AP2A2: variants seen among roughly 807,000 people sequenced by gnomAD.
The protein encoded by AP2A2 is AP-2 complex subunit alpha-2.
AP2A2 carries 32 observed loss-of-function variants against 104.2 expected under a neutral mutation model. That is an observed-to-expected ratio of 0.31 (90% confidence interval 0.23 to 0.41). AP2A2 has a LOEUF of 0.41. AP2A2 is among the 10% of genes least tolerant of loss of function. The pLI is 1.00. For missense variants in AP2A2, 912 were observed against 1,261.0 expected, an observed-to-expected ratio of 0.72 and a Z score of 4.19; for synonymous variants, 539 against 533.3, an observed-to-expected ratio of 1.01 and a Z score of -0.15.
At chr11:1,002,123 C>T (rs1270865171) in intron 15 of AP2A2, among the ~76,000 whole-genome samples, 1 of 152,212 alleles carries the variant, frequency 6.6e-6, no homozygotes, top group Non-Finnish European at 1.5e-5. Flanking sequence ...AGATACTGAC[C>T]ACAAGGGCCT....
chr11:960,632 C>T (rs1286656929), intron 2 of AP2A2, among the ~76,000 whole-genome samples: 3 of 152,196 alleles, frequency 2.0e-5, no homozygotes, highest in African/African-American at 4.8e-5. Context: ...CCTGCCTCAG[C>T]CTCCCAACAT....
chr11:946,111 A>G (rs1250022298), intron 1 of AP2A2, among the ~76,000 whole-genome samples: 2 of 152,216 alleles, frequency 1.3e-5, no homozygotes, highest in Admixed American at 6.5e-5. Flanking sequence ...AAAATGGTCA[A>G]AATCAACTGT....
intron 6 of AP2A2, 192 bp downstream of exon 6, chr11:981,491 G>A: frequency 3.5e-6 from 2 of 569,428 alleles, no homozygotes; most frequent in East Asian, 6.0e-5. Context: ...CTGTTCCCAT[G>A]GTGTGAGTGA....
chr11:993,999 G>T lies in AP2A2; in HGVS notation c.1782+14G>T. On this transcript the variant is annotated intron_variant, in intron 13 of 21. Coordinates refer to ENST00000448903, the MANE Select transcript of AP2A2 (RefSeq NM_012305.4). This position sits in a 1 kb window ranked among gnomAD's most constrained non-coding sequence, Gnocchi z 8.2. The stretch of plus-strand genomic sequence containing the variant: ...ACCGACATTCTGGTAGGAGGCCCCC[G>T]CCCTTCGGGCTGGCTTGGCTGAGGG... The T allele has an allele frequency of 3.1e-6, 5 of 1,608,592 alleles. No homozygotes were observed. The highest frequency in any genetic ancestry group is 4.2e-6 in the Non-Finnish European group (5 of 1,177,054).
rs563864756 is a variant in AP2A2, at chr11:965,713, G to C, written c.137-4456G>C. ...CTGCAGACGCATGGGCAAGAAATCAGTGCTTATGTGCACCTGCCATGCTAG... is the reference window on the plus strand; with the variant it reads ...CTGCAGACGCATGGGCAAGAAATCACTGCTTATGTGCACCTGCCATGCTAG... On this transcript the variant is annotated intron_variant, in intron 2 of 21. Coordinates refer to ENST00000448903, the MANE Select transcript of AP2A2 (RefSeq NM_012305.4). Among the ~76,000 whole-genome samples, 279 of 152,346 alleles carry C rather than the reference G, an allele frequency of 1.8e-3. 3 individuals are homozygous for C. Among genetic ancestry groups the C allele is most frequent in the African/African-American group, 6.3e-3 (264 of 41,582 alleles).
chr11:932,501 A>G lies in AP2A2; in HGVS notation c.67+6413A>G, dbSNP rs77117177. Among the ~76,000 whole-genome samples the G allele has an allele frequency of 2.8e-4, 42 of 152,378 alleles. No individual in the cohort carries two copies. In the East Asian group the frequency reaches 8.1e-3, roughly 29 times the overall value. On this transcript the variant is annotated intron_variant, in intron 1 of 21. Coordinates refer to ENST00000448903, the MANE Select transcript of AP2A2 (RefSeq NM_012305.4). ...CAGTCTGCTTTTGCATTTCTTAAAT[A>G]ACCTTCACAGTTAAAAGCTCATTTT... is the stretch of plus-strand genomic sequence containing the variant.
chr11:954,990 C>G (rs1589962748), intron 1 of AP2A2, among the ~76,000 whole-genome samples: 1 of 152,118 alleles, frequency 6.6e-6, no homozygotes. Flanking sequence ...TTCTCCTGCC[C>G]CCAGGTTTTT....
rs115832989 is a variant in AP2A2, at chr11:968,148, C to T, written c.137-2021C>T. Reference sequence around the variant, plus strand: ...AATCCACGTGCTGCCACATGAGCAGCGGGCCGAGCACTGTGGCTTTCTCCT... The same window carrying T: ...AATCCACGTGCTGCCACATGAGCAGTGGGCCGAGCACTGTGGCTTTCTCCT... On this transcript the variant is annotated intron_variant, in intron 2 of 21. Coordinates refer to ENST00000448903, the MANE Select transcript of AP2A2 (RefSeq NM_012305.4). This position sits in a 1 kb window ranked among gnomAD's most constrained non-coding sequence, Gnocchi z 4.2. 1.7e-3 allele frequency among the ~76,000 whole-genome samples: 260 copies of T among 152,262 alleles called. 1 individual carries two copies. The highest frequency in any genetic ancestry group is 6.1e-3 in the African/African-American group (253 of 41,558).
At chr11:994,367 C>T in intron 14 of AP2A2, 122 bp downstream of exon 14, 4 of 1,260,446 alleles carry the variant, frequency 3.2e-6, no homozygotes, top group African/African-American at 1.5e-5. Context: ...CTGGCTGTGG[C>T]TCTGGACACC....
chr11:983,549 A>AT (rs578014629), intron 6 of AP2A2, among the ~76,000 whole-genome samples: 229 of 151,142 alleles, frequency 1.5e-3, no homozygotes, highest in Admixed American at 2.5e-3. Context: ...TGCCTGGCTA[A>AT]TTTTTTGTAT....
chr11:948,232 G>C (rs759346732), intron 1 of AP2A2, among the ~76,000 whole-genome samples: 1 of 152,146 alleles, frequency 6.6e-6, no homozygotes, highest in Non-Finnish European at 1.5e-5. Context: ...GAGATAAAAA[G>C]AAGACTCAGA....
Position 1,001,953 on chromosome 11 carries a change from A to G in AP2A2, c.2123+1355A>G, listed in dbSNP as rs890108479. On this transcript the variant is annotated intron_variant, in intron 15 of 21. Transcript: ENST00000448903. ...TCAGGTGTCTGCGTGTGTTTGGTGT[A>G]GGATGGAGGCACAGAGTGCCTCAGG... Among the ~76,000 whole-genome samples, 15 of 152,198 alleles carry G rather than the reference A, an allele frequency of 9.9e-5. No homozygotes were observed. In the South Asian group the frequency reaches 3.1e-3, roughly 32 times the overall value.
Position 1,009,323 on chromosome 11 carries a change from C to T in AP2A2, c.2538-5C>T. The T allele has an allele frequency of 2.5e-6, 4 of 1,613,608 alleles. No individual in the cohort carries two copies. The highest frequency in any genetic ancestry group is 3.4e-6 in the Non-Finnish European group (4 of 1,179,690). On this transcript the variant is annotated splice_region_variant and splice_polypyrimidine_tract_variant and intron_variant, in intron 19 of 21. Coordinates refer to ENST00000448903, the MANE Select transcript of AP2A2 (RefSeq NM_012305.4). ...GAGAACACTCGCCTTTGCTGTTTCT[C>T]ACAGTCCACAGCAGGAAGTGCAGAA...
chr11:983,882 C>T (rs1855356802), intron 6 of AP2A2, among the ~76,000 whole-genome samples: 1 of 152,158 alleles, frequency 6.6e-6, no homozygotes, highest in African/African-American at 2.4e-5. Flanking sequence ...TGTGTTTGTG[C>T]CTTTCAGCCT....
At chr11:995,426 G>A (rs770611091) in intron 14 of AP2A2, 255 of 455,652 alleles carry the variant, frequency 5.6e-4, no homozygotes, top group South Asian at 1.8e-3. Context: ...GGCTCCTGTC[G>A]GGGTCAGGCG....
rs1467578388 is a variant in AP2A2, at chr11:935,823, C to T, written c.67+9735C>T. 8.7e-5 allele frequency among the ~76,000 whole-genome samples: 13 copies of T among 150,010 alleles called. No homozygotes were observed. In the Middle Eastern group the frequency reaches 0.014, roughly 161 times the overall value. ...CTTGGCCAGGCTGGTCTTGAACTCC[C>T]GACCTCGTGATCCACCCGCCTTGGC... On this transcript the variant is annotated intron_variant, in intron 1 of 21. Coordinates refer to ENST00000448903, the MANE Select transcript of AP2A2 (RefSeq NM_012305.4).
chr11:1,003,422 T>G (rs919254472), intron 15 of AP2A2, among the ~76,000 whole-genome samples: 5 of 152,228 alleles, frequency 3.3e-5, no homozygotes, highest in African/African-American at 7.2e-5. Context: ...CACGCCCGTG[T>G]CCCTTCTGGG....
chr11:928,254 A>G (rs1853181038), intron 1 of AP2A2, among the ~76,000 whole-genome samples: 2 of 152,172 alleles, frequency 1.3e-5, no homozygotes, highest in African/African-American at 4.8e-5. Context: ...ATTTAAAGAG[A>G]CCACATTCAT....
intron 16 of AP2A2, among the ~76,000 whole-genome samples, chr11:1,006,059 CG>C (rs1856191774): frequency 6.6e-6 from 1 of 152,226 alleles, no homozygotes; most frequent in Non-Finnish European, 1.5e-5. Flanking sequence ...CGTGCCCAGC[CG>C]GGTCCCCTGA....
Sources: allele counts gnomAD v4.1 joint callset (sites outside exome capture counted in the v4.1 genomes callset), GRCh38; gene constraint gnomAD v4.1.1; non-coding constraint Gnocchi (gnomAD v3.1); transcripts MANE v1.5; gene names NCBI Gene and HGNC (gene_info 2026-07-23, HGNC 2026-07-21).